The following BCL2 variants were observed in gnomAD, a reference collection of about 807,000 sequenced individuals.
BCL2 encodes the protein apoptosis regulator Bcl-2.
BCL2 carries 1 observed loss-of-function variant against 14.2 expected under a neutral mutation model. The observed-to-expected ratio is 0.07, with a 90% confidence interval of 0.02 to 0.33. BCL2 has a LOEUF of 0.33. Among genes scored for constraint, BCL2 ranks in the 10% least tolerant of loss-of-function variants. The pLI, the probability that BCL2 is intolerant of heterozygous loss-of-function variation, is 0.99. For missense variants in BCL2, 247 were observed against 305.9 expected (o/e 0.81, Z 1.44); for synonymous variants, 151 against 137.2 (o/e 1.10, Z -0.70).
chr18:63,198,177 T>TAC (rs113352488), intron 2 of BCL2, among the ~76,000 whole-genome samples: 8,922 of 140,102 alleles, frequency 0.064, 336 homozygotes, highest in East Asian at 0.13. Flanking sequence ...CACACAGACA[T>TAC]ACACACACAC....
At chr18:63,278,526 C>T (rs1243691517) in intron 2 of BCL2, among the ~76,000 whole-genome samples, 1 of 152,220 alleles carries the variant, frequency 6.6e-6, no homozygotes, top group African/African-American at 2.4e-5. Context: ...GGCCTGCCTT[C>T]AGCAAGAATT....
At chr18:63,179,463 G>A (rs966681763) in intron 2 of BCL2, among the ~76,000 whole-genome samples, 3 of 152,170 alleles carry the variant, frequency 2.0e-5, no homozygotes, top group African/African-American at 7.2e-5. Flanking sequence ...AACTGTCTGT[G>A]CCTGCTATAA....
In BCL2 at chr18:63,128,659, C is replaced by T. The variant is rs1913979489; in HGVS notation, c.686G>A (p.Cys229Tyr). The change falls in exon 3 of 3, where the codon TGC (cysteine) becomes TAC (tyrosine). Residue 229 changes from cysteine (C) to tyrosine (Y), a missense_variant. By Grantham distance (194) the Cys-to-Tyr change is radical (BLOSUM62 -2). Coordinates refer to ENST00000333681, the MANE Select transcript of BCL2 (RefSeq NM_000633.3). ...GCCCAGATAGGCACCCAGGGTGATG[C>T]AAGCTCCCACCAGGGCCAAACTGAG... ...TLLSLALVGA[C>Y]ITLGAYLGHK 1.3e-6 allele frequency: 1 copy of T among 781,028 alleles called. No homozygotes were observed. The highest frequency in any genetic ancestry group is 2.4e-6 in the Non-Finnish European group (1 of 418,098). The allele number at this position is 781,028 out of a possible 1,614,324, so 48.4% of individuals were successfully genotyped here.
At chr18:63,137,708 C>T (rs1914245223) in intron 2 of BCL2, among the ~76,000 whole-genome samples, 1 of 152,174 alleles carries the variant, frequency 6.6e-6, no homozygotes, top group African/African-American at 2.4e-5. Flanking sequence ...GTGCTTGATT[C>T]TCCAAGAAAG....
chr18:63,289,651 G>T (rs992065035), intron 2 of BCL2, among the ~76,000 whole-genome samples: 2 of 152,070 alleles, frequency 1.3e-5, no homozygotes, highest in African/African-American at 4.8e-5. Context: ...CCCAGCCCTC[G>T]AGGAGGCCAA....
intron 2 of BCL2, among the ~76,000 whole-genome samples, chr18:63,209,951 T>C (rs570836289): frequency 1.3e-5 from 2 of 152,320 alleles, no homozygotes; most frequent in South Asian, 4.1e-4. Flanking sequence ...TCCAGACACC[T>C]GCTGAAATTG....
At chr18:63,175,849 T>C (rs1915337492) in intron 2 of BCL2, among the ~76,000 whole-genome samples, 1 of 152,142 alleles carries the variant, frequency 6.6e-6, no homozygotes, top group Non-Finnish European at 1.5e-5. Context: ...CATCCTCTGA[T>C]CTCCAGCTTT....
chr18:63,234,002 A>C (rs182742631), intron 2 of BCL2, among the ~76,000 whole-genome samples: 1 of 152,322 alleles, frequency 6.6e-6, no homozygotes, highest in Admixed American at 6.5e-5. Flanking sequence ...AATAGTTCAT[A>C]ATTTTTAAAG....
At chr18:63,255,442 GT>G (rs1404608438) in intron 2 of BCL2, among the ~76,000 whole-genome samples, 1 of 152,094 alleles carries the variant, frequency 6.6e-6, no homozygotes, top group Non-Finnish European at 1.5e-5. Flanking sequence ...GGACACGACT[GT>G]CTACACTTCT....
chr18:63,213,833 C>T (rs777499420), intron 2 of BCL2, among the ~76,000 whole-genome samples: 8 of 152,010 alleles, frequency 5.3e-5, no homozygotes, highest in Non-Finnish European at 7.4e-5. Flanking sequence ...AGAGTTCTCT[C>T]GACGGCAGAA....
intron 2 of BCL2, among the ~76,000 whole-genome samples, chr18:63,200,901 C>A (rs547826724): frequency 6.6e-6 from 1 of 152,288 alleles, no homozygotes; most frequent in African/African-American, 2.4e-5. Context: ...GAGATACAGG[C>A]ATGAGCCACT....
At position 63,318,199 on chromosome 18, in the gene BCL2, G is replaced by A; in HGVS notation, c.468C>T (p.Val156=). 1 of 1,614,152 alleles carries A rather than the reference G, an allele frequency of 6.2e-7. No homozygotes were observed. The highest frequency in any genetic ancestry group is 1.3e-5 in the African/African-American group (1 of 75,018). ...CCCGGTTGACGCTCTCCACACACAT[G>A]ACCCCACCGAACTCAAAGAAGGCCA... ...RIVAFFEFGG[V]MCVESVNREM... Residue 156 remains valine (V), a synonymous_variant, in exon 2 of 3, where the codon GTC becomes GTT. Coordinates refer to ENST00000333681, the MANE Select transcript of BCL2 (RefSeq NM_000633.3). The surrounding 1 kb of genome is among the most constrained non-coding windows in gnomAD (Gnocchi z 7.4).
rs899802675 is a variant in BCL2, at chr18:63,283,021, T to C, written c.585+35061A>G. ...AATCCAGCTTTAATGGGCTTCTTTC[T>C]GAGAAATTCTCCATTGGTTCTGAGA... On this transcript the variant is annotated intron_variant, in intron 2 of 2. Coordinates refer to ENST00000333681, the MANE Select transcript of BCL2 (RefSeq NM_000633.3). Among the ~76,000 whole-genome samples, 5 of 152,240 alleles carry C rather than the reference T, an allele frequency of 3.3e-5. No homozygotes were observed. In the East Asian group the frequency reaches 9.6e-4, roughly 29 times the overall value.
intron 2 of BCL2, chr18:63,207,556 C>G (rs1230523596): frequency 6.6e-6 from 1 of 152,270 alleles, no homozygotes; most frequent in Non-Finnish European, 1.5e-5. Flanking sequence ...TTGTTCCAGA[C>G]TGCCTGGGAG....
intron 2 of BCL2, among the ~76,000 whole-genome samples, chr18:63,250,490 C>A (rs1424405561): frequency 6.6e-6 from 1 of 152,106 alleles, no homozygotes; most frequent in African/African-American, 2.4e-5. Flanking sequence ...GGGCACAAGC[C>A]CAGTTAATAT....
intron 2 of BCL2, chr18:63,314,242 G>A (rs946139839): frequency 1.3e-5 from 2 of 152,076 alleles, no homozygotes; most frequent in African/African-American, 2.4e-5. Context: ...TAATCCTATC[G>A]TCTTGCTGCC....
intron 2 of BCL2, among the ~76,000 whole-genome samples, chr18:63,201,872 A>G (rs1909704516): frequency 6.6e-6 from 1 of 152,096 alleles, no homozygotes; most frequent in South Asian, 2.1e-4. Flanking sequence ...AGAAATACCT[A>G]ATGTATGTGA....
intron 2 of BCL2, among the ~76,000 whole-genome samples, chr18:63,218,398 AG>A (rs1032903940): frequency 5.3e-4 from 81 of 152,210 alleles, no homozygotes; most frequent in African/African-American, 1.6e-3. Flanking sequence ...GGTAGAGAGA[AG>A]GGAAAAGCTC....
At chr18:63,238,913 G>T (rs1327542032) in intron 2 of BCL2, among the ~76,000 whole-genome samples, 1 of 152,224 alleles carries the variant, frequency 6.6e-6, no homozygotes, top group Admixed American at 6.5e-5. Context: ...AACGCTGGGA[G>T]ACGGGCTGGC....
Sources: gnomAD v4.1 joint callset for allele counts (sites outside exome capture counted in the v4.1 genomes callset) on GRCh38, gnomAD v4.1.1 for gene constraint, Gnocchi (gnomAD v3.1) non-coding constraint, MANE v1.5 for transcripts, NCBI Gene and HGNC (gene_info 2026-07-23, HGNC 2026-07-21) for gene names.